Variants in LRRC37A2 observed in about 807,000 individuals in gnomAD.
The protein encoded by LRRC37A2 is leucine rich repeat containing 37 member A2.
LRRC37A2 carries 9 observed loss-of-function variants against 68.8 expected under a neutral mutation model. The ratio of observed to expected loss-of-function variants is 0.13; its 90% CI spans 0.08 to 0.23. The LOEUF is 0.23. LRRC37A2 is among the 10% of genes least tolerant of loss of function. The pLI, the probability that LRRC37A2 is intolerant of heterozygous loss-of-function variation, is 1.00. For synonymous variants in LRRC37A2, 63 were observed against 367.6 expected, an observed-to-expected ratio of 0.17 and a Z score of 9.48; for missense variants, 168 against 950.4, an observed-to-expected ratio of 0.18 and a Z score of 10.82.
chr17:46,919,685 C>T, the LRRC37A2 span, among the ~76,000 whole-genome samples: 10 of 152,284 alleles, frequency 6.6e-5, no homozygotes, highest in East Asian at 9.6e-4. Flanking sequence ...CAGTGGCTCA[C>T]GCCTGTAACC....
the LRRC37A2 span, among the ~76,000 whole-genome samples, chr17:46,752,327 GA>G: frequency 6.6e-6 from 1 of 152,024 alleles, no homozygotes; most frequent in African/African-American, 2.4e-5. Context: ...GTCCTTATCT[GA>G]CATACTAGGT....
At chr17:46,791,109 G>A in the LRRC37A2 span, among the ~76,000 whole-genome samples, 3 of 152,144 alleles carry the variant, frequency 2.0e-5, no homozygotes, top group Non-Finnish European at 4.4e-5. Context: ...ACACTCTTTG[G>A]CTTCAAGGCA....
At chr17:46,951,519 G>A in the LRRC37A2 span, among the ~76,000 whole-genome samples, 1 of 152,178 alleles carries the variant, frequency 6.6e-6, no homozygotes, top group Non-Finnish European at 1.5e-5. Context: ...CCTTTTAACT[G>A]GCGTAGCCCT....
At chr17:46,862,372 C>A in the LRRC37A2 span, among the ~76,000 whole-genome samples, 1 of 152,126 alleles carries the variant, frequency 6.6e-6, no homozygotes, top group Non-Finnish European at 1.5e-5. Flanking sequence ...TGCAGGTAGA[C>A]ATCTACAGGT....
chr17:46,927,980 C>A, the LRRC37A2 span, among the ~76,000 whole-genome samples: 1 of 152,114 alleles, frequency 6.6e-6, no homozygotes, highest in Admixed American at 6.5e-5. Context: ...CTTTCTGTCC[C>A]CGTTACCCTC....
chr17:47,000,555 A>T, the LRRC37A2 span, among the ~76,000 whole-genome samples: 1 of 151,932 alleles, frequency 6.6e-6, no homozygotes, highest in South Asian at 2.1e-4. Flanking sequence ...TTTTGGGGGA[A>T]GCTTCCATTG....
the LRRC37A2 span, among the ~76,000 whole-genome samples, chr17:46,924,985 C>T: frequency 6.6e-6 from 1 of 152,122 alleles, no homozygotes; most frequent in Admixed American, 6.5e-5. Context: ...CTTAGACTAC[C>T]TGTTTTCAGT....
chr17:46,939,794 C>A, the LRRC37A2 span: 1 of 987,392 alleles, frequency 1.0e-6, no homozygotes, highest in Non-Finnish European at 1.2e-6. Flanking sequence ...GTGACCAGCC[C>A]CGGATTCAGG....
the LRRC37A2 span, among the ~76,000 whole-genome samples, chr17:46,835,280 C>T: frequency 3.5e-3 from 531 of 152,186 alleles, 4 homozygotes; most frequent in African/African-American, 0.012. Context: ...GGCACAATCC[C>T]GGCTCACTGC....
At chr17:46,987,989 C>T in the LRRC37A2 span, among the ~76,000 whole-genome samples, 1 of 152,044 alleles carries the variant, frequency 6.6e-6, no homozygotes, top group African/African-American at 2.4e-5. Flanking sequence ...CTGGCCAACA[C>T]AGGGAAACCG....
the LRRC37A2 span, chr17:46,876,779 GC>G: frequency 6.8e-7 from 1 of 1,475,032 alleles, no homozygotes; most frequent in Non-Finnish European, 9.0e-7. Flanking sequence ...CCTTCAAGCT[GC>G]CCAGCCGGCC....
At chr17:46,458,770 A>G in the LRRC37A2 span, among the ~76,000 whole-genome samples, 8 of 109,108 alleles carry the variant, frequency 7.3e-5, no homozygotes, top group African/African-American at 2.2e-4. Context: ...CGAGCTCCCA[A>G]CCTCAGGTGA....
chr17:46,458,458 T>G, the LRRC37A2 span, among the ~76,000 whole-genome samples: 26 of 92,586 alleles, frequency 2.8e-4, no homozygotes, highest in African/African-American at 9.1e-4. Flanking sequence ...CACAGGGAAA[T>G]TAACAAAAAA....
At chr17:46,770,032 G>A in the LRRC37A2 span, 2 of 1,560,940 alleles carry the variant, frequency 1.3e-6, no homozygotes, top group East Asian at 2.4e-5. Context: ...CGTGAACGAA[G>A]GCCGACTCGC....
chr17:46,771,217 G>GCCCGCGC, the LRRC37A2 span, among the ~76,000 whole-genome samples: 2 of 152,144 alleles, frequency 1.3e-5, no homozygotes, highest in Non-Finnish European at 2.9e-5. Context: ...AGCTGGTCCC[G>GCCCGCGC]CCCGCGCCCC....
the LRRC37A2 span, among the ~76,000 whole-genome samples, chr17:46,780,293 A>G: frequency 6.6e-6 from 1 of 152,044 alleles, no homozygotes; most frequent in Non-Finnish European, 1.5e-5. Context: ...TGCTGCCAGC[A>G]CCCACTCCCC....
the LRRC37A2 span, among the ~76,000 whole-genome samples, chr17:46,822,822 T>C: frequency 6.6e-6 from 1 of 151,898 alleles, no homozygotes; most frequent in Non-Finnish European, 1.5e-5. Context: ...ACCCTGCGGA[T>C]GCCTCCCTCT....
chr17:46,975,869 TGAAA>T, the LRRC37A2 span, among the ~76,000 whole-genome samples: 2,151 of 141,294 alleles, frequency 0.015, 52 homozygotes, highest in African/African-American at 0.052. Context: ...CAAGGAACTA[TGAAA>T]GAAAGAAAGA....
At chr17:46,791,909 G>A in the LRRC37A2 span, among the ~76,000 whole-genome samples, 33 of 152,138 alleles carry the variant, frequency 2.2e-4, no homozygotes, top group Admixed American at 2.2e-3. Context: ...GTGTGGTGGT[G>A]CACACTTGTA....
Sources: gnomAD v4.1 joint callset for allele counts (sites outside exome capture counted in the v4.1 genomes callset) on GRCh38, gnomAD v4.1.1 for gene constraint, MANE v1.5 for transcripts, NCBI Gene and HGNC (gene_info 2026-07-23, HGNC 2026-07-21) for gene names.